GAD2: variants seen among roughly 807,000 people sequenced by gnomAD.
The protein encoded by GAD2 is 65 kDa glutamic acid decarboxylase.
GAD2 carries 22 observed loss-of-function variants against 80.1 expected under a neutral mutation model. The ratio of observed to expected loss-of-function variants is 0.27; its 90% CI spans 0.20 to 0.39. The LOEUF (loss-of-function observed/expected upper bound fraction) is 0.39, where lower values mean the gene tolerates loss of function less well. Ranked by LOEUF, GAD2 falls within the 10% of genes least tolerant of loss-of-function variation. GAD2 has a pLI of 1.00. For missense variants in GAD2, 624 were observed against 738.4 expected (o/e 0.85, Z 1.80); for synonymous variants, 274 against 256.9 (o/e 1.07, Z -0.64).
At chr10:26,222,328 G>A (rs1214140369) in intron 4 of GAD2, among the ~76,000 whole-genome samples, 1 of 151,960 alleles carries the variant, frequency 6.6e-6, no homozygotes, top group Non-Finnish European at 1.5e-5. Flanking sequence ...GTTAAATACT[G>A]TCTAATCATA....
At chr10:26,254,932 G>T (rs1258070790) in intron 8 of GAD2, among the ~76,000 whole-genome samples, 1 of 152,242 alleles carries the variant, frequency 6.6e-6, no homozygotes, top group Non-Finnish European at 1.5e-5. Context: ...TCCAGGCGTT[G>T]CTATTCTCTG....
chr10:26,270,338 G>T (rs565382296), intron 9 of GAD2, among the ~76,000 whole-genome samples: 1 of 152,124 alleles, frequency 6.6e-6, no homozygotes, highest in African/African-American at 2.4e-5. Context: ...AAAGTCTACC[G>T]GGAATATATA....
intron 4 of GAD2, among the ~76,000 whole-genome samples, chr10:26,221,033 T>C (rs892047483): frequency 1.3e-5 from 2 of 152,234 alleles, no homozygotes; most frequent in Non-Finnish European, 1.5e-5. Context: ...ATCAATTCAA[T>C]CTCTCAATAG....
At chr10:26,268,974 T>C in intron 8 of GAD2, 145 bp from the exon 9 acceptor site, 1 of 549,670 alleles carries the variant, frequency 1.8e-6, no homozygotes, top group Non-Finnish European at 3.2e-6. Context: ...AAATGCATCC[T>C]TCCTGGAAGC....
In GAD2 at chr10:26,304,067, A is replaced by C. The variant is rs1260833037; in HGVS notation, c.*3106A>C. ...CCCTCAGCTAAGCCCCCTACTGAGA[A>C]ACTTCCTTTGAGAATTGTGCGACTT... On this transcript the variant is annotated 3_prime_UTR_variant, in exon 16 of 16. Coordinates refer to ENST00000376261, the MANE Select transcript of GAD2 (RefSeq NM_001134366.2). 6.6e-6 allele frequency: 1 copy of C among 152,176 alleles called. No individual in the cohort carries two copies. The highest frequency in any genetic ancestry group is 2.4e-5 in the African/African-American group (1 of 41,424). The allele number at this position is 152,176 out of a possible 1,614,324, so 9.4% of individuals were successfully genotyped here.
chr10:26,239,296 C>G (rs1844712559), intron 7 of GAD2, among the ~76,000 whole-genome samples: 1 of 152,204 alleles, frequency 6.6e-6, no homozygotes, highest in South Asian at 2.1e-4. Flanking sequence ...TTTCTTCCCT[C>G]TAGCAGCTGG....
chr10:26,278,090 G>C (rs897365838), intron 11 of GAD2, among the ~76,000 whole-genome samples: 5 of 152,268 alleles, frequency 3.3e-5, no homozygotes, highest in Non-Finnish European at 7.3e-5. Flanking sequence ...CTGAGAGGGA[G>C]GTGGGACAGA....
chr10:26,247,563 G>A (rs1844824094), intron 8 of GAD2, among the ~76,000 whole-genome samples: 1 of 152,106 alleles, frequency 6.6e-6, no homozygotes. Context: ...GGGAGGGGCA[G>A]CCACAGCAAA....
At chr10:26,241,934 G>T (rs1440557755) in intron 7 of GAD2, among the ~76,000 whole-genome samples, 10 of 152,070 alleles carry the variant, frequency 6.6e-5, no homozygotes, top group Admixed American at 3.9e-4. Context: ...CTCAATTCTT[G>T]TTGGCCTTGC....
chr10:26,281,152 C>A, intron 12 of GAD2, 65 bp downstream of exon 12: 1 of 1,182,070 alleles, frequency 8.5e-7, no homozygotes, highest in Non-Finnish European at 1.3e-6. Context: ...ATGCGGTTGA[C>A]TTTCTCTGGA....
At chr10:26,218,533 A>ACG (rs1844411314) in intron 3 of GAD2, among the ~76,000 whole-genome samples, 2 of 102,274 alleles carry the variant, frequency 2.0e-5, no homozygotes, top group African/African-American at 5.7e-5. Context: ...ACACATGCAT[A>ACG]CGCTCTCTCT....
At chr10:26,237,730 G>A (rs919935940) in intron 7 of GAD2, among the ~76,000 whole-genome samples, 3 of 151,986 alleles carry the variant, frequency 2.0e-5, no homozygotes, top group South Asian at 4.2e-4. Context: ...TGAATTAGCC[G>A]GGTGCAGTGG....
At position 26,286,332 on chromosome 10, in the gene GAD2, T is replaced by C. The variant is rs761703373; in HGVS notation, c.1237-13T>C. ...TCAGTAGAATTTCCTAAATTTTCTCTTCTCTCTTGTAGGGATTGATGCAGA... is the reference window on the plus strand; with the variant it reads ...TCAGTAGAATTTCCTAAATTTTCTCCTCTCTCTTGTAGGGATTGATGCAGA... On this transcript the variant is annotated splice_polypyrimidine_tract_variant and intron_variant, in intron 12 of 15. Coordinates refer to ENST00000376261, the MANE Select transcript of GAD2 (RefSeq NM_001134366.2). 6.9e-6 allele frequency: 11 copies of C among 1,599,360 alleles called. No homozygotes were observed. In the Admixed American group the frequency reaches 1.4e-4, roughly 21 times the overall value.
chr10:26,295,001 A>C (rs1360401520), intron 15 of GAD2, among the ~76,000 whole-genome samples: 1 of 152,208 alleles, frequency 6.6e-6, no homozygotes, highest in Non-Finnish European at 1.5e-5. Flanking sequence ...TCCATGGACT[A>C]GTTTGGCTGA....
chr10:26,219,316 T>C (rs781600670), intron 4 of GAD2, 40 bp downstream of exon 4: 1 of 1,268,454 alleles, frequency 7.9e-7, no homozygotes. Context: ...TTTTTTCGTT[T>C]ACAATTTTTA....
At chr10:26,287,010 TGA>T (rs1316917937) in intron 13 of GAD2, among the ~76,000 whole-genome samples, 6 of 152,238 alleles carry the variant, frequency 3.9e-5, no homozygotes, top group Admixed American at 3.9e-4. Flanking sequence ...ATGTAGATTC[TGA>T]GTTTCCCTCT....
In GAD2 at chr10:26,217,802, C is replaced by A. The variant is rs752225942; in HGVS notation, c.137-40C>A. On this transcript the variant is annotated intron_variant, in intron 2 of 15. Transcript: ENST00000376261. This position sits in a 1 kb window ranked among gnomAD's most constrained non-coding sequence, Gnocchi z 4.9. Reference sequence around the variant, plus strand: ...GCGGGAGCGAGGGAGCCGGGCCCGGCGGAGGATTGACGAGGCCCGCGTTCG... The same window carrying A: ...GCGGGAGCGAGGGAGCCGGGCCCGGAGGAGGATTGACGAGGCCCGCGTTCG... 2 of 1,582,910 alleles carry A rather than the reference C, an allele frequency of 1.3e-6. No individual in the cohort carries two copies. The highest frequency in any genetic ancestry group is 1.8e-5 in the Admixed American group (1 of 55,318).
At chr10:26,275,883 C>T (rs1447722158) in intron 11 of GAD2, among the ~76,000 whole-genome samples, 2 of 152,260 alleles carry the variant, frequency 1.3e-5, no homozygotes, top group East Asian at 1.9e-4. Context: ...ACAAGGGGGC[C>T]GGGCACGGTG....
chr10:26,222,286 T>G (rs774404992), intron 4 of GAD2, among the ~76,000 whole-genome samples: 5 of 152,206 alleles, frequency 3.3e-5, no homozygotes, highest in Non-Finnish European at 1.5e-5. Flanking sequence ...CTCCATCTTA[T>G]GCACAGGTTT....
Sources: allele counts gnomAD v4.1 joint callset (sites outside exome capture counted in the v4.1 genomes callset), GRCh38; gene constraint gnomAD v4.1.1; non-coding constraint Gnocchi (gnomAD v3.1); transcripts MANE v1.5; gene names NCBI Gene and HGNC (gene_info 2026-07-23, HGNC 2026-07-21).